Variants in DEPDC1B observed in about 807,000 individuals in gnomAD.
The protein encoded by DEPDC1B is DEP domain containing 1B, also known as DEP domain-containing protein 1B.
Under a neutral mutation model 66.5 loss-of-function variants are expected in DEPDC1B, and 51 were observed. That is an observed-to-expected ratio of 0.77 (90% CI 0.61 to 0.97). The LOEUF is 0.97. Among genes scored for constraint, DEPDC1B ranks in the 50% least tolerant of loss-of-function variants. The probability of loss-of-function intolerance (pLI) is 0.00; values close to 1 mark genes in which losing one functional copy is unlikely to be tolerated. For missense variants in DEPDC1B, 552 were observed against 637.1 expected (o/e 0.87, Z 1.44); for synonymous variants, 226 against 223.6 (o/e 1.01, Z -0.10).
Position 60,700,082 on chromosome 5 carries a change from G to A in DEPDC1B, c.12C>T (p.Arg4=), listed in dbSNP as rs755553973. The change falls in exon 1 of 11, where the codon CGC becomes CGT. Residue 4 remains arginine, a synonymous_variant. Coordinates refer to ENST00000265036, the MANE Select transcript of DEPDC1B (RefSeq NM_018369.3). MEH[R]IVGPGPYRAT... ...CTCGGTACGGCCCGGGCCCCACGAT[G>A]CGATGCTCCATGGCGCGTAGGCAGC... is the stretch of plus-strand genomic sequence containing the variant. The A allele has an allele frequency of 1.4e-5, 22 of 1,557,438 alleles. No individual in the cohort carries two copies. The highest frequency in any genetic ancestry group is 1.9e-5 in the Non-Finnish European group (22 of 1,153,000).
chr5:60,647,243 C>T (rs1476953017), intron 3 of DEPDC1B, among the ~76,000 whole-genome samples, 155 bp downstream of exon 3: 1 of 152,088 alleles, frequency 6.6e-6, no homozygotes, highest in African/African-American at 2.4e-5. Context: ...TCATTCTTTC[C>T]TTGTTACTGG....
chr5:60,667,436 CAAAAAATGGATATTTTACATAT>C (rs1753869657), intron 2 of DEPDC1B, among the ~76,000 whole-genome samples: 15 of 120,104 alleles, frequency 1.2e-4, no homozygotes, highest in Non-Finnish European at 1.8e-4. Flanking sequence ...TACATATATA[CAAAAAATGGATATTTTACATAT>C]ATACAAAAAA....
intron 7 of DEPDC1B, among the ~76,000 whole-genome samples, chr5:60,637,597 A>G (rs1753072806): frequency 6.6e-6 from 1 of 152,192 alleles, no homozygotes; most frequent in Non-Finnish European, 1.5e-5. Flanking sequence ...GTCCATAAGC[A>G]TACTAAGCAA....
At chr5:60,641,349 CT>C (rs11326495) in intron 6 of DEPDC1B, among the ~76,000 whole-genome samples, 58,860 of 128,122 alleles carry the variant, frequency 0.46, 10,954 homozygotes, top group Admixed American at 0.52. Context: ...TGATCAACTT[CT>C]TTTTTTTTTT....
At chr5:60,689,583 G>T (rs537795227) in intron 1 of DEPDC1B, among the ~76,000 whole-genome samples, 2 of 152,182 alleles carry the variant, frequency 1.3e-5, no homozygotes, top group East Asian at 3.9e-4. Context: ...AAATGTTAAA[G>T]GGAAATAATA....
chr5:60,604,890 A>C (rs1041497010), intron 8 of DEPDC1B, among the ~76,000 whole-genome samples: 1 of 152,168 alleles, frequency 6.6e-6, no homozygotes, highest in African/African-American at 2.4e-5. Flanking sequence ...AAATATAGAG[A>C]TCAAGAATCC....
chr5:60,651,477 G>A (rs532388389), intron 2 of DEPDC1B, among the ~76,000 whole-genome samples: 1 of 148,958 alleles, frequency 6.7e-6, no homozygotes, highest in South Asian at 2.2e-4. Flanking sequence ...GCAGTGAGCT[G>A]AAATTGCACC....
chr5:60,686,961 C>T lies in DEPDC1B; in HGVS notation c.314+1G>A, dbSNP rs758481340. 2 of 1,614,084 alleles carry T rather than the reference C, an allele frequency of 1.2e-6. No homozygotes were observed. Among genetic ancestry groups the T allele is most frequent in the Non-Finnish European group, 1.7e-6 (2 of 1,179,944 alleles). On this transcript the variant is annotated splice_donor_variant, in intron 2 of 10. Coordinates refer to ENST00000265036, the MANE Select transcript of DEPDC1B (RefSeq NM_018369.3). LOFTEE classifies it high-confidence loss of function. ...CTTCCAGGTTTACATGTTGCCATTA[C>T]CTGTATAAGTGACGATTGTCTTCAA...
intron 7 of DEPDC1B, among the ~76,000 whole-genome samples, chr5:60,619,900 C>T (rs1010642077): frequency 6.6e-5 from 10 of 152,136 alleles, no homozygotes; most frequent in Non-Finnish European, 1.2e-4. Flanking sequence ...TACTACAAGG[C>T]TACAGTCACC....
chr5:60,615,088 T>G (rs1752512362), intron 7 of DEPDC1B, among the ~76,000 whole-genome samples: 1 of 152,196 alleles, frequency 6.6e-6, no homozygotes, highest in African/African-American at 2.4e-5. Flanking sequence ...TGCACATACA[T>G]GACTTTTTAC....
intron 2 of DEPDC1B, among the ~76,000 whole-genome samples, chr5:60,649,289 C>T (rs1229780505): frequency 1.3e-5 from 2 of 152,110 alleles, no homozygotes; most frequent in African/African-American, 4.8e-5. Context: ...ATTCCCATAA[C>T]CAGAAAAAAG....
intron 1 of DEPDC1B, among the ~76,000 whole-genome samples, chr5:60,693,259 G>A (rs1304587696): frequency 1.3e-5 from 2 of 152,096 alleles, no homozygotes; most frequent in Admixed American, 6.5e-5. Context: ...GGTTGGTTGG[G>A]GTGGTAAACT....
chr5:60,630,516 C>T (rs1752900467), intron 7 of DEPDC1B: 2 of 152,258 alleles, frequency 1.3e-5, no homozygotes, highest in Non-Finnish European at 2.9e-5. Flanking sequence ...CCCTGAAAAG[C>T]ATGGCTGTTC....
At chr5:60,605,259 T>C (rs1365425846) in intron 8 of DEPDC1B, among the ~76,000 whole-genome samples, 3 of 152,180 alleles carry the variant, frequency 2.0e-5, no homozygotes, top group Non-Finnish European at 4.4e-5. Context: ...ACGACAATTA[T>C]AATAATATAT....
chr5:60,679,252 CTATA>C (rs1418782627), intron 2 of DEPDC1B, among the ~76,000 whole-genome samples: 1 of 152,136 alleles, frequency 6.6e-6, no homozygotes, highest in Non-Finnish European at 1.5e-5. Flanking sequence ...TACCACTGAT[CTATA>C]TGTCTTTCAC....
rs1752240427 is a variant in DEPDC1B at position 60,603,377 on chromosome 5, A to G, written c.1242+14T>C. The G allele has an allele frequency of 1.3e-6, 2 of 1,536,294 alleles. No homozygotes were observed. The highest frequency in any genetic ancestry group is 2.3e-5 in the Admixed American group (1 of 43,524). Reference sequence around the variant, plus strand: ...TTGCCAATTTCATAGAACTGATAATATCCTCTCCTTTACCTGGACTCTTCG... The same window carrying G: ...TTGCCAATTTCATAGAACTGATAATGTCCTCTCCTTTACCTGGACTCTTCG... On this transcript the variant is annotated intron_variant, in intron 9 of 10. Coordinates refer to ENST00000265036, the MANE Select transcript of DEPDC1B (RefSeq NM_018369.3).
At chr5:60,668,596 C>T (rs1753957751) in intron 2 of DEPDC1B, among the ~76,000 whole-genome samples, 1 of 151,768 alleles carries the variant, frequency 6.6e-6, no homozygotes, top group African/African-American at 2.4e-5. Context: ...TTTTTTAAAC[C>T]ACAATGAATC....
At chr5:60,614,425 G>A (rs567876373) in intron 7 of DEPDC1B, among the ~76,000 whole-genome samples, 119 of 152,174 alleles carry the variant, frequency 7.8e-4, no homozygotes, top group South Asian at 5.6e-3. Context: ...TAGGTTCAAG[G>A]GATCCTTCTG....
At chr5:60,631,786 T>C (rs1752931341) in intron 7 of DEPDC1B, among the ~76,000 whole-genome samples, 1 of 152,214 alleles carries the variant, frequency 6.6e-6, no homozygotes, top group South Asian at 2.1e-4. Flanking sequence ...CACAGGGTTC[T>C]AGGGTCTCAC....
Sources: gnomAD v4.1 joint callset for allele counts (sites outside exome capture counted in the v4.1 genomes callset) on GRCh38, gnomAD v4.1.1 for gene constraint, MANE v1.5 for transcripts, NCBI Gene and HGNC (gene_info 2026-07-23, HGNC 2026-07-21) for gene names.